MPPED2: variants seen among roughly 807,000 people sequenced by gnomAD.
The protein encoded by MPPED2 is metallophosphoesterase MPPED2.
MPPED2 carries 5 observed loss-of-function variants against 33.0 expected under a neutral mutation model. The observed-to-expected ratio is 0.15, with a 90% confidence interval of 0.08 to 0.32. The LOEUF is 0.32. Among genes scored for constraint, MPPED2 ranks in the 10% least tolerant of loss-of-function variants. The pLI, the probability that MPPED2 is intolerant of heterozygous loss-of-function variation, is 1.00. For synonymous variants in MPPED2, 136 were observed against 141.9 expected (o/e 0.96, Z 0.29); for missense variants, 275 against 372.1 (o/e 0.74, Z 2.15).
At chr11:30,494,757 A>AAAAAAAAAAAAAAAAAAAG (rs768924251) in intron 4 of MPPED2, among the ~76,000 whole-genome samples, 4 of 120,888 alleles carry the variant, frequency 3.3e-5, no homozygotes, top group African/African-American at 1.4e-4. Context: ...AAAAAAAAAA[A>AAAAAAAAAAAAAAAAAAAG]AAAGAAAGAA....
chr11:30,423,143 A>G (rs1436388841), intron 4 of MPPED2, among the ~76,000 whole-genome samples: 1 of 152,190 alleles, frequency 6.6e-6, no homozygotes, highest in Non-Finnish European at 1.5e-5. Context: ...GTGCCAAGCC[A>G]TAAATCCAGG....
Position 30,502,815 on chromosome 11 carries a change from C to T in MPPED2, c.311-7294G>A, listed in dbSNP as rs117742165. Among the ~76,000 whole-genome samples the T allele has an allele frequency of 4.8e-3, 735 of 152,246 alleles. 7 individuals carry two copies. Among genetic ancestry groups the T allele is most frequent in the Middle Eastern group, 0.01 (3 of 294 alleles). On this transcript the variant is annotated intron_variant, in intron 3 of 6. Coordinates refer to ENST00000358117, the MANE Select transcript of MPPED2 (RefSeq NM_001584.3). ...ATATATAAGCACTGCTCTGGCCAAA[C>T]GTGATCTCCTCTCTAGCTTGCCCCT... is the stretch of plus-strand genomic sequence containing the variant.
intron 4 of MPPED2, among the ~76,000 whole-genome samples, chr11:30,482,084 G>A (rs1951514650): frequency 6.6e-6 from 1 of 152,118 alleles, no homozygotes; most frequent in African/African-American, 2.4e-5. Context: ...GCTACAGAAT[G>A]TGGCCTTTCT....
chr11:30,584,158 G>C (rs1433706999), intron 1 of MPPED2: 1 of 152,114 alleles, frequency 6.6e-6, no homozygotes, highest in Non-Finnish European at 1.5e-5. Context: ...GCGGACACCC[G>C]GGTGACACAT....
chr11:30,504,806 C>A, intron 3 of MPPED2: 1 of 1,288,712 alleles, frequency 7.8e-7, no homozygotes, highest in Non-Finnish European at 1.0e-6. Flanking sequence ...ATTAGGGTTT[C>A]TTCCATGCTT....
At chr11:30,489,516 C>T (rs1024058680) in intron 4 of MPPED2, among the ~76,000 whole-genome samples, 3 of 152,224 alleles carry the variant, frequency 2.0e-5, no homozygotes, top group Non-Finnish European at 4.4e-5. Context: ...ATCCTGCTCA[C>T]ACTTCCTTTG....
At chr11:30,516,227 A>G (rs1474552476) in intron 3 of MPPED2, among the ~76,000 whole-genome samples, 2 of 152,156 alleles carry the variant, frequency 1.3e-5, no homozygotes, top group African/African-American at 4.8e-5. Flanking sequence ...CAGAAAAGGA[A>G]TAAAAATTAA....
chr11:30,423,377 A>G (rs1286199435), intron 4 of MPPED2, among the ~76,000 whole-genome samples: 1 of 152,160 alleles, frequency 6.6e-6, no homozygotes, highest in Non-Finnish European at 1.5e-5. Flanking sequence ...TCTTATTACT[A>G]TAGTCTTCTG....
intron 1 of MPPED2, among the ~76,000 whole-genome samples, chr11:30,581,307 GT>G (rs1270376017): frequency 6.6e-6 from 1 of 152,062 alleles, no homozygotes; most frequent in Non-Finnish European, 1.5e-5. Context: ...TCAGTAATTG[GT>G]TTCATTTTTT....
chr11:30,458,059 C>A (rs150137669), intron 4 of MPPED2, among the ~76,000 whole-genome samples: 262 of 152,296 alleles, frequency 1.7e-3, no homozygotes, highest in Non-Finnish European at 2.8e-3. Context: ...AGAGCTGAAG[C>A]CCCAGGCTCT....
chr11:30,449,319 C>T (rs1283245082), intron 4 of MPPED2, among the ~76,000 whole-genome samples: 1 of 152,136 alleles, frequency 6.6e-6, no homozygotes, highest in Non-Finnish European at 1.5e-5. Context: ...GCCGCTTTGT[C>T]ATAAGGAGTA....
At chr11:30,448,341 G>A (rs1032798128) in intron 4 of MPPED2, among the ~76,000 whole-genome samples, 12 of 152,174 alleles carry the variant, frequency 7.9e-5, no homozygotes, top group East Asian at 1.9e-4. Flanking sequence ...TGAACTGGGC[G>A]CTCAGACTTG....
chr11:30,441,104 C>T (rs1949551666), intron 4 of MPPED2, among the ~76,000 whole-genome samples: 1 of 152,164 alleles, frequency 6.6e-6, no homozygotes, highest in South Asian at 2.1e-4. Context: ...CTTCAGAACA[C>T]TCTTTTGGAA....
At chr11:30,554,660 A>T (rs1955882619) in intron 2 of MPPED2, among the ~76,000 whole-genome samples, 1 of 151,872 alleles carries the variant, frequency 6.6e-6, no homozygotes, top group South Asian at 2.1e-4. Context: ...ACGCCCAGCT[A>T]ATTTTTGCAT....
At chr11:30,399,938 AT>A (rs1947887550) in intron 6 of MPPED2, among the ~76,000 whole-genome samples, 1 of 152,250 alleles carries the variant, frequency 6.6e-6, no homozygotes, top group South Asian at 2.1e-4. Flanking sequence ...TATTTAAAAC[AT>A]TTAAAGTATT....
At position 30,522,282 on chromosome 11, in the gene MPPED2, A is replaced by G. The variant is rs75092970; in HGVS notation, c.310+13712T>C. On this transcript the variant is annotated intron_variant, in intron 3 of 6. Transcript: ENST00000358117. Reference sequence around the variant, plus strand: ...TTTCTTGATTTTGATAACTGTAGTGAGCTCATGTAAATGAATATCCATGTT... The same window carrying G: ...TTTCTTGATTTTGATAACTGTAGTGGGCTCATGTAAATGAATATCCATGTT... Among the ~76,000 whole-genome samples, 23 of 152,260 alleles carry G rather than the reference A, an allele frequency of 1.5e-4. No individual in the cohort carries two copies. The East Asian group carries it at 2.3e-3, about 15-fold the overall frequency.
At position 30,410,550 on chromosome 11, in the gene MPPED2, C is replaced by G. The variant is rs1329049018; in HGVS notation, c.*918G>C. 1.4e-5 allele frequency: 14 copies of G among 985,622 alleles called. No homozygotes were observed. The highest frequency in any genetic ancestry group is 1.7e-5 in the Non-Finnish European group (14 of 829,944). The allele number at this position is 985,622 out of a possible 1,614,324, so 61.1% of individuals were successfully genotyped here. A position where few individuals can be genotyped will look rare whatever the true frequency, so the allele number is the denominator to read the frequency against. The stretch of plus-strand genomic sequence containing the variant: ...CATTTAAGTCTATACATGCCTGTAA[C>G]TGTACCTAGATTTAACTCAAGCTCT... On this transcript the variant is annotated 3_prime_UTR_variant, in exon 7 of 7. Coordinates refer to ENST00000358117, the MANE Select transcript of MPPED2 (RefSeq NM_001584.3).
At chr11:30,417,861 T>C (rs970664011) in intron 4 of MPPED2, among the ~76,000 whole-genome samples, 7 of 152,156 alleles carry the variant, frequency 4.6e-5, no homozygotes, top group Admixed American at 4.6e-4. Flanking sequence ...CAAGAGCCTT[T>C]ACAGTGGAGA....
At chr11:30,425,163 T>C (rs1948777440) in intron 4 of MPPED2, among the ~76,000 whole-genome samples, 1 of 152,118 alleles carries the variant, frequency 6.6e-6, no homozygotes, top group African/African-American at 2.4e-5. Flanking sequence ...GTGCCTGAGG[T>C]GGTCACCTGA....
Sources: allele counts gnomAD v4.1 joint callset (sites outside exome capture counted in the v4.1 genomes callset), GRCh38; gene constraint gnomAD v4.1.1; transcripts MANE v1.5; gene names NCBI Gene and HGNC (gene_info 2026-07-23, HGNC 2026-07-21).